TANC1: variants seen among roughly 807,000 people sequenced by gnomAD.
The protein encoded by TANC1 is protein TANC1.
A neutral mutation model predicts 149.7 loss-of-function variants in TANC1; 77 were observed. That is an observed-to-expected ratio of 0.51 (90% CI 0.43 to 0.62). TANC1 has a LOEUF of 0.62. TANC1 is among the 20% of genes least tolerant of loss of function. The probability of loss-of-function intolerance (pLI) is 0.00; values close to 1 mark genes in which losing one functional copy is unlikely to be tolerated. For missense variants in TANC1, 1,985 were observed against 2,321.8 expected (o/e 0.85, Z 2.98); for synonymous variants, 854 against 925.0 (o/e 0.92, Z 1.39).
chr2:159,056,957 T>A (rs1393114849), intron 2 of TANC1: 2 of 217,020 alleles, frequency 9.2e-6, no homozygotes, highest in East Asian at 2.0e-4. Context: ...AATATTCCAC[T>A]AACCCAGAAC....
At chr2:158,986,210 T>G (rs1327308959) in intron 1 of TANC1, among the ~76,000 whole-genome samples, 1 of 151,890 alleles carries the variant, frequency 6.6e-6, no homozygotes, top group Non-Finnish European at 1.5e-5. Flanking sequence ...GAAGAAGGAG[T>G]GCACATGGTG....
At chr2:159,225,448 C>T (rs553655204) in intron 23 of TANC1, 31 of 564,802 alleles carry the variant, frequency 5.5e-5, no homozygotes, top group African/African-American at 1.3e-4. Context: ...TTTCGCTGCT[C>T]GGATGCCTTC....
intron 16 of TANC1, among the ~76,000 whole-genome samples, chr2:159,192,880 C>A (rs2150684470): frequency 6.6e-6 from 1 of 152,308 alleles, no homozygotes; most frequent in African/African-American, 2.4e-5. Context: ...GAACTCCTAA[C>A]TGCAGGTGAT....
intron 1 of TANC1, among the ~76,000 whole-genome samples, chr2:158,986,762 ATT>A (rs1463794468): frequency 1.3e-5 from 2 of 152,302 alleles, no homozygotes; most frequent in East Asian, 3.9e-4. Flanking sequence ...ATCTGAGAAA[ATT>A]GCTTGTTTTT....
At chr2:158,992,149 A>AC (rs1301918192) in intron 1 of TANC1, among the ~76,000 whole-genome samples, 1 of 152,006 alleles carries the variant, frequency 6.6e-6, no homozygotes, top group African/African-American at 2.4e-5. Flanking sequence ...GATCGCTTGA[A>AC]CCCAGGAGTT....
intron 5 of TANC1, among the ~76,000 whole-genome samples, chr2:159,142,429 C>T (rs1349804801): frequency 6.6e-6 from 1 of 152,224 alleles, no homozygotes; most frequent in Non-Finnish European, 1.5e-5. Context: ...TGGTGTTCTT[C>T]ACTGCCAAGT....
In TANC1 at chr2:159,175,377, A is replaced by G. The variant is rs77940661; in HGVS notation, c.1735+193A>G. Among the ~76,000 whole-genome samples the G allele has an allele frequency of 4.9e-3, 749 of 152,246 alleles. 11 individuals carry two copies. Among genetic ancestry groups the G allele is most frequent in the Admixed American group, 7.9e-3 (121 of 15,294 alleles). ...ATGAGGTCGCTCCTACACCACCCCTATGGTATAGTGTTAAAAGAAGCACCC... is the reference window on the plus strand; with the variant it reads ...ATGAGGTCGCTCCTACACCACCCCTGTGGTATAGTGTTAAAAGAAGCACCC... On this transcript the variant is annotated intron_variant, in intron 12 of 26. Transcript: ENST00000263635.
chr2:159,014,520 G>A (rs1187391112), intron 2 of TANC1, among the ~76,000 whole-genome samples: 1 of 152,128 alleles, frequency 6.6e-6, no homozygotes, highest in Non-Finnish European at 1.5e-5. Context: ...CAAAGCTCAT[G>A]TCCTCACATT....
At chr2:158,974,425 A>G (rs529910793) in intron 1 of TANC1, among the ~76,000 whole-genome samples, 2 of 152,166 alleles carry the variant, frequency 1.3e-5, no homozygotes, top group African/African-American at 4.8e-5. Context: ...ACCCTCATAT[A>G]TATATATTTT....
intron 2 of TANC1, among the ~76,000 whole-genome samples, chr2:159,030,176 A>C (rs1225211015): frequency 6.6e-6 from 1 of 152,140 alleles, no homozygotes; most frequent in Non-Finnish European, 1.5e-5. Context: ...AAAAAATTGC[A>C]AGGTTGGAAT....
chr2:159,056,788 C>A, intron 2 of TANC1: 1 of 350,836 alleles, frequency 2.9e-6, no homozygotes, highest in Non-Finnish European at 5.9e-6. Context: ...TTCTTCCCGT[C>A]CATGAAGTTG....
intron 4 of TANC1, among the ~76,000 whole-genome samples, chr2:159,126,273 C>G (rs985102891): frequency 3.3e-5 from 5 of 152,176 alleles, no homozygotes; most frequent in African/African-American, 1.2e-4. Flanking sequence ...CATTTTACAT[C>G]AGGGACTTAA....
intron 12 of TANC1, 41 bp downstream of exon 12, chr2:159,175,225 G>T (rs2055713069): frequency 1.3e-6 from 2 of 1,538,616 alleles, no homozygotes; most frequent in Non-Finnish European, 1.8e-6. Context: ...CTCAGTAGTG[G>T]TACAGCAGAC....
chr2:159,158,012 G>A (rs549565208), intron 7 of TANC1, among the ~76,000 whole-genome samples: 11 of 152,238 alleles, frequency 7.2e-5, no homozygotes, highest in African/African-American at 2.2e-4. Context: ...TATAGTACAT[G>A]TATTTGGGAT....
intron 8 of TANC1, among the ~76,000 whole-genome samples, chr2:159,166,396 C>T (rs1037478121): frequency 4.6e-5 from 7 of 152,168 alleles, no homozygotes; most frequent in Non-Finnish European, 8.8e-5. Context: ...CCTTGCCCCA[C>T]CAAGCCCACC....
At chr2:158,969,484 G>C (rs993595733) in intron 1 of TANC1, among the ~76,000 whole-genome samples, 1 of 152,244 alleles carries the variant, frequency 6.6e-6, no homozygotes, top group Non-Finnish European at 1.5e-5. Flanking sequence ...AGCGGTAATT[G>C]TCAAGATTGT....
intron 2 of TANC1, among the ~76,000 whole-genome samples, chr2:159,060,741 T>C (rs1428232205): frequency 2.6e-5 from 4 of 152,176 alleles, no homozygotes; most frequent in Non-Finnish European, 4.4e-5. Flanking sequence ...ATTGTGTAAA[T>C]AGGCAGTATG....
chr2:159,141,864 T>G (rs761481461), intron 5 of TANC1, among the ~76,000 whole-genome samples: 1 of 152,156 alleles, frequency 6.6e-6, no homozygotes, highest in Non-Finnish European at 1.5e-5. Context: ...TAATCATGGA[T>G]TTTTCCCTCT....
intron 24 of TANC1, 86 bp downstream of exon 24, chr2:159,225,865 C>G: frequency 9.8e-7 from 1 of 1,018,540 alleles, no homozygotes; most frequent in Non-Finnish European, 1.5e-6. Context: ...AGCTGTGCTA[C>G]TGCACAGTCT....
Sources: allele counts gnomAD v4.1 joint callset (sites outside exome capture counted in the v4.1 genomes callset), GRCh38; gene constraint gnomAD v4.1.1; transcripts MANE v1.5; gene names NCBI Gene and HGNC (gene_info 2026-07-23, HGNC 2026-07-21).